Variants in TEX11 observed in about 807,000 individuals in gnomAD.
TEX11 encodes the protein testis-expressed protein 11.
A neutral mutation model predicts 84.4 loss-of-function variants in TEX11; 7 were observed. The ratio of observed to expected loss-of-function variants is 0.08; its 90% CI spans 0.05 to 0.16. The LOEUF (loss-of-function observed/expected upper bound fraction) is 0.16. TEX11 is among the 10% of genes least tolerant of loss of function. The pLI is 1.00. For synonymous variants in TEX11, 264 were observed against 222.8 expected (o/e 1.18, Z -1.64); for missense variants, 551 against 660.5 (o/e 0.83, Z 1.82).
intron 9 of TEX11, among the ~76,000 whole-genome samples, chrX:70,792,361 C>CAT (rs2091129434): frequency 1.2e-4 from 1 of 8,583 alleles, no homozygotes; most frequent in African/African-American, 5.3e-4. Flanking sequence ...TATATATACA[C>CAT]ACACAAATAT....
intron 4 of TEX11, among the ~76,000 whole-genome samples, chrX:70,864,933 G>A (rs1002463286): frequency 8.2e-5 from 9 of 110,014 alleles, no homozygotes; most frequent in Non-Finnish European, 1.7e-4. Flanking sequence ...TAACAGCCGC[G>A]GCAAAAACAT....
chrX:70,681,137 C>T (rs1474272355), intron 14 of TEX11, among the ~76,000 whole-genome samples: 1 of 112,617 alleles, frequency 8.9e-6, no homozygotes, highest in Non-Finnish European at 1.9e-5. Flanking sequence ...CCTCTTCTGC[C>T]CTTTGGCATA....
chrX:70,598,794 T>A (rs2089045545), intron 24 of TEX11, among the ~76,000 whole-genome samples: 1 of 112,163 alleles, frequency 8.9e-6, no homozygotes, highest in Non-Finnish European at 1.9e-5. Flanking sequence ...CAAAAAACAT[T>A]TGACTTTCGT....
At chrX:70,599,537 T>C (rs1264527672) in intron 24 of TEX11, among the ~76,000 whole-genome samples, 1 of 110,919 alleles carries the variant, frequency 9.0e-6, no homozygotes, top group Non-Finnish European at 1.9e-5. Flanking sequence ...TTTATTATTA[T>C]ACTTTAAGTT....
At chrX:70,800,252 G>A (rs1284118607) in intron 9 of TEX11, among the ~76,000 whole-genome samples, 1 of 110,602 alleles carries the variant, frequency 9.0e-6, no homozygotes, top group Non-Finnish European at 1.9e-5. Flanking sequence ...AGGGTGGAGG[G>A]TGGGAGGAGG....
intron 13 of TEX11, among the ~76,000 whole-genome samples, chrX:70,696,616 A>T (rs1468600730): frequency 9.1e-6 from 1 of 110,389 alleles, no homozygotes; most frequent in Non-Finnish European, 1.9e-5. Flanking sequence ...AAAAAAATTA[A>T]AAAATAGCTA....
chrX:70,514,855 G>A, the TEX11 span, among the ~76,000 whole-genome samples: 1 of 110,700 alleles, frequency 9.0e-6, no homozygotes, highest in Non-Finnish European at 1.9e-5. Context: ...ATCACCTGAG[G>A]TCAGGAGTTC....
chrX:70,577,463 G>T (rs890463605), intron 25 of TEX11, among the ~76,000 whole-genome samples: 1 of 111,136 alleles, frequency 9.0e-6, no homozygotes, highest in Non-Finnish European at 1.9e-5. Context: ...AATGGAATAT[G>T]AGCTATTTCA....
At chrX:70,568,163 C>T (rs1439471931) in intron 25 of TEX11, among the ~76,000 whole-genome samples, 5 of 111,407 alleles carry the variant, frequency 4.5e-5, no homozygotes, top group African/African-American at 1.6e-4. Context: ...TATGTAATGG[C>T]CTTCTTTGTC....
intron 9 of TEX11, among the ~76,000 whole-genome samples, chrX:70,783,433 G>A (rs773934923): frequency 9.0e-6 from 1 of 111,197 alleles, no homozygotes; most frequent in Non-Finnish European, 1.9e-5. Flanking sequence ...AGAGAAGCAA[G>A]AGCAAACAAA....
At chrX:70,820,540 C>T (rs2091313104) in intron 8 of TEX11, among the ~76,000 whole-genome samples, 1 of 111,808 alleles carries the variant, frequency 8.9e-6, no homozygotes, top group Admixed American at 9.5e-5. Context: ...AGAATGGCAC[C>T]AACAGCTTCT....
chrX:70,808,682 T>C (rs755992221), intron 8 of TEX11, among the ~76,000 whole-genome samples: 15 of 109,205 alleles, frequency 1.4e-4, no homozygotes, highest in African/African-American at 5.0e-4. Context: ...ACCCCATAAA[T>C]AGATACATCT....
intron 7 of TEX11, 112 bp from the exon 8 acceptor site, chrX:70,833,705 T>C (rs1209454879): frequency 7.0e-6 from 4 of 573,941 alleles, no homozygotes; most frequent in Non-Finnish European, 1.1e-5. Flanking sequence ...TGTTTTCTAA[T>C]ATTTTTAGCA....
chrX:70,677,877 G>C (rs774576479), intron 15 of TEX11, among the ~76,000 whole-genome samples: 6 of 94,969 alleles, frequency 6.3e-5, no homozygotes, highest in Non-Finnish European at 1.2e-4. Flanking sequence ...GCAGTGGCGC[G>C]ATCTCGGCTC....
intron 9 of TEX11, among the ~76,000 whole-genome samples, chrX:70,771,771 T>C (rs2090973459): frequency 8.9e-6 from 1 of 111,806 alleles, no homozygotes; most frequent in Non-Finnish European, 1.9e-5. Context: ...TAATTTACCA[T>C]AACTAGAAAA....
chrX:70,728,024 G>T (rs376734742), intron 11 of TEX11, among the ~76,000 whole-genome samples: 1 of 112,628 alleles, frequency 8.9e-6, no homozygotes, highest in South Asian at 3.7e-4. Flanking sequence ...ATGTATCTAA[G>T]TTCTTCTGTG....
chrX:70,548,024 G>A (rs1038903918), intron 28 of TEX11, among the ~76,000 whole-genome samples: 1 of 111,942 alleles, frequency 8.9e-6, no homozygotes, highest in Admixed American at 9.5e-5. Flanking sequence ...CAACCCAAAT[G>A]TCCAGCAATG....
intron 13 of TEX11, among the ~76,000 whole-genome samples, chrX:70,719,640 C>A (rs2090538366): frequency 8.9e-6 from 1 of 111,899 alleles, no homozygotes; most frequent in Non-Finnish European, 1.9e-5. Context: ...GAGCTAATAT[C>A]CAGAATCTAC....
intron 13 of TEX11, among the ~76,000 whole-genome samples, chrX:70,707,867 G>C (rs2090390357): frequency 9.1e-6 from 1 of 110,159 alleles, no homozygotes; most frequent in African/African-American, 3.3e-5. Context: ...ATTAGCCTTG[G>C]CAAATAATTT....
Sources: allele counts gnomAD v4.1 joint callset (sites outside exome capture counted in the v4.1 genomes callset), GRCh38; gene constraint gnomAD v4.1.1; transcripts MANE v1.5; gene names NCBI Gene and HGNC (gene_info 2026-07-23, HGNC 2026-07-21).